Variants in CLIC5 observed in about 807,000 individuals in gnomAD.
CLIC5 encodes the protein CLIC family member 5.
Under a neutral mutation model 24.7 loss-of-function variants are expected in CLIC5, and 20 were observed. The ratio of observed to expected loss-of-function variants is 0.81; its 90% CI spans 0.57 to 1.18. CLIC5 has a LOEUF of 1.18. Among genes scored for constraint, CLIC5 ranks in the 50% most tolerant of loss-of-function variants. The pLI is 0.00. For missense variants in CLIC5, 341 were observed against 326.1 expected, an observed-to-expected ratio of 1.05 and a Z score of -0.35; for synonymous variants, 159 against 135.6, an observed-to-expected ratio of 1.17 and a Z score of -1.20.
intron 1 of CLIC5, among the ~76,000 whole-genome samples, chr6:45,997,910 C>G (rs1766210064): frequency 6.6e-6 from 1 of 152,240 alleles, no homozygotes; most frequent in Non-Finnish European, 1.5e-5. Flanking sequence ...GCCCAGGACC[C>G]AGCAGGCCCA....
At chr6:46,128,477 C>T in the CLIC5 span, among the ~76,000 whole-genome samples, 1 of 152,226 alleles carries the variant, frequency 6.6e-6, no homozygotes, top group Non-Finnish European at 1.5e-5. Flanking sequence ...TCCCCCAAAA[C>T]TTGGCCTTAC....
At chr6:45,905,688 C>T (rs1380700705) in intron 5 of CLIC5, among the ~76,000 whole-genome samples, 1 of 152,054 alleles carries the variant, frequency 6.6e-6, no homozygotes, top group Admixed American at 6.5e-5. Flanking sequence ...TAACTGTTCA[C>T]TCTGTTGATA....
intron 1 of CLIC5, among the ~76,000 whole-genome samples, chr6:45,984,392 C>T (rs1765664235): frequency 6.6e-6 from 1 of 152,112 alleles, no homozygotes; most frequent in Non-Finnish European, 1.5e-5. Flanking sequence ...TTGACAGGTG[C>T]TCCGGAACCC....
intron 6 of CLIC5, among the ~76,000 whole-genome samples, chr6:45,882,243 C>G (rs962804683): frequency 6.6e-6 from 1 of 152,180 alleles, no homozygotes; most frequent in African/African-American, 2.4e-5. Flanking sequence ...TACACATCTC[C>G]CCACCCTTCA....
At chr6:46,066,152 C>A (rs1408164457) in intron 1 of CLIC5, among the ~76,000 whole-genome samples, 1 of 152,072 alleles carries the variant, frequency 6.6e-6, no homozygotes, top group African/African-American at 2.4e-5. Context: ...GCAACTCTAT[C>A]TTTTGTACTT....
chr6:45,986,025 G>C (rs1765723448), intron 1 of CLIC5, among the ~76,000 whole-genome samples: 2 of 152,098 alleles, frequency 1.3e-5, no homozygotes, highest in Non-Finnish European at 2.9e-5. Flanking sequence ...CCCTACACAA[G>C]CTCTGTCTTG....
At chr6:45,985,832 C>G (rs1347088657) in intron 1 of CLIC5, among the ~76,000 whole-genome samples, 3 of 152,064 alleles carry the variant, frequency 2.0e-5, no homozygotes, top group Non-Finnish European at 4.4e-5. Flanking sequence ...TCAATTATCT[C>G]TTGTTGGTGC....
At position 45,940,182 on chromosome 6, in the gene CLIC5, T is replaced by A. The variant is rs1366289842; in HGVS notation, c.406+1365A>T. ...TCCTTCTTAATCTTTATGACCCAGT[T>A]GAAACTCCCAGAAAAGGAGTCTCAT... On this transcript the variant is annotated intron_variant, in intron 4 of 5. Transcript: ENST00000339561. Among the ~76,000 whole-genome samples, 5 of 152,220 alleles carry A rather than the reference T, an allele frequency of 3.3e-5. No homozygotes were observed. The East Asian group carries it at 7.7e-4, about 23-fold the overall frequency.
chr6:46,016,083 G>C (rs975528936), upstream of CLIC5, among the ~76,000 whole-genome samples: 35 of 151,166 alleles, frequency 2.3e-4, no homozygotes, highest in African/African-American at 8.5e-4. Context: ...AAGGCAGAAA[G>C]AGTCGAGGAG....
chr6:46,050,286 C>T (rs372422361), intron 1 of CLIC5, among the ~76,000 whole-genome samples: 5 of 152,318 alleles, frequency 3.3e-5, no homozygotes, highest in South Asian at 2.1e-4. Flanking sequence ...CAGTCTCTGA[C>T]GCTGTTGATG....
intron 1 of CLIC5, among the ~76,000 whole-genome samples, chr6:46,053,190 GGCCTGATACACATAT>G (rs764480228): frequency 2.0e-4 from 31 of 152,208 alleles, no homozygotes; most frequent in Admixed American, 8.5e-4. Flanking sequence ...TGGAGGGCAG[GGCCTGATACACATAT>G]GCATTCAGTA....
chr6:46,109,513 T>TAAAAAAAAAAAAAAAAAAA, the CLIC5 span, among the ~76,000 whole-genome samples: 1 of 47,166 alleles, frequency 2.1e-5, no homozygotes, highest in African/African-American at 1.0e-4. Flanking sequence ...CAGTCTCCAC[T>TAAAAAAAAAAAAAAAAAAA]AAAAAAAAAA....
intron 1 of CLIC5, among the ~76,000 whole-genome samples, chr6:45,995,325 C>T (rs904522564): frequency 1.3e-5 from 2 of 152,196 alleles, no homozygotes; most frequent in African/African-American, 4.8e-5. Flanking sequence ...TCAATGTTAG[C>T]TGTCATTACT....
chr6:45,990,873 C>T (rs1765912339), intron 1 of CLIC5, among the ~76,000 whole-genome samples: 1 of 152,186 alleles, frequency 6.6e-6, no homozygotes, highest in Non-Finnish European at 1.5e-5. Flanking sequence ...GGGTTCTTCT[C>T]CTACCAGCTC....
intron 4 of CLIC5, among the ~76,000 whole-genome samples, chr6:45,938,745 T>C (rs1764025914): frequency 6.6e-6 from 1 of 152,106 alleles, no homozygotes; most frequent in Non-Finnish European, 1.5e-5. Flanking sequence ...AAACACCATT[T>C]ATAATTTTAA....
the CLIC5 span, among the ~76,000 whole-genome samples, chr6:46,090,223 T>C: frequency 6.6e-6 from 1 of 152,276 alleles, no homozygotes; most frequent in African/African-American, 2.4e-5. Flanking sequence ...ACTTGAAATA[T>C]CCAAGAAGGG....
At chr6:46,095,879 A>G in the CLIC5 span, among the ~76,000 whole-genome samples, 1 of 148,964 alleles carries the variant, frequency 6.7e-6, no homozygotes, top group African/African-American at 2.5e-5. Context: ...AGCTGCTTCC[A>G]TATTTTCAGA....
intron 1 of CLIC5, among the ~76,000 whole-genome samples, chr6:46,041,336 A>G (rs1367242477): frequency 6.6e-6 from 1 of 152,216 alleles, no homozygotes; most frequent in Non-Finnish European, 1.5e-5. Context: ...CATTACTATC[A>G]TTATGCTTTT....
At chr6:45,949,454 T>A in intron 2 of CLIC5, 73 bp from the exon 3 acceptor site, 1 of 1,524,018 alleles carries the variant, frequency 6.6e-7, no homozygotes, top group South Asian at 1.2e-5. Context: ...TAAGATTGAT[T>A]GTAACTTAGA....
Sources: gnomAD v4.1 joint callset for allele counts (sites outside exome capture counted in the v4.1 genomes callset) on GRCh38, gnomAD v4.1.1 for gene constraint, MANE v1.5 for transcripts, NCBI Gene and HGNC (gene_info 2026-07-23, HGNC 2026-07-21) for gene names.